The following CCDC146 variants were observed in gnomAD, a reference collection of about 807,000 sequenced individuals.
CCDC146 encodes the protein coiled-coil domain-containing protein 146.
Under a neutral mutation model 119.3 loss-of-function variants are expected in CCDC146, and 92 were observed. The observed-to-expected ratio is 0.77, with a 90% CI of 0.65 to 0.92. The LOEUF is 0.92. Ranked by LOEUF, CCDC146 falls within the 40% of genes least tolerant of loss-of-function variation. CCDC146 has a pLI of 0.00. For synonymous variants in CCDC146, 372 were observed against 371.8 expected (o/e 1.00, Z -0.01); for missense variants, 1,000 against 1,103.0 (o/e 0.91, Z 1.32).
intron 1 of CCDC146, among the ~76,000 whole-genome samples, chr7:77,164,165 T>G (rs1791306975): frequency 6.6e-6 from 1 of 152,154 alleles, no homozygotes; most frequent in East Asian, 1.9e-4. Context: ...GCCTGGCCTT[T>G]GAAAAACTTC....
In CCDC146 at chr7:77,237,706, A is replaced by C. The variant is rs151306660; in HGVS notation, c.239+677A>C. 6.6e-3 allele frequency among the ~76,000 whole-genome samples: 1,010 copies of C among 152,266 alleles called. 6 individuals carry two copies. The highest frequency in any genetic ancestry group is 9.2e-3 in the Non-Finnish European group (624 of 68,016). The stretch of plus-strand genomic sequence containing the variant: ...TATCACAAGCTACTTACACCTTGCA[A>C]GTCCCAATCACCAACAGGTCAGAAG... On this transcript the variant is annotated intron_variant, in intron 3 of 18. Coordinates refer to ENST00000285871, the MANE Select transcript of CCDC146 (RefSeq NM_020879.3).
At chr7:77,199,039 TTTA>T (rs1791928458) in intron 2 of CCDC146, 1 of 713,154 alleles carries the variant, frequency 1.4e-6, no homozygotes, top group African/African-American at 1.8e-5. Flanking sequence ...TGAGAAGATA[TTTA>T]TTTTTTCCTG....
intron 2 of CCDC146, among the ~76,000 whole-genome samples, chr7:77,220,406 A>AGAT (rs2150460904): frequency 6.6e-6 from 1 of 152,332 alleles, no homozygotes; most frequent in South Asian, 2.1e-4. Context: ...CATGTTTTAC[A>AGAT]AACAATTTGT....
At chr7:77,173,691 G>A (rs1015954189) in intron 2 of CCDC146, among the ~76,000 whole-genome samples, 1 of 152,192 alleles carries the variant, frequency 6.6e-6, no homozygotes, top group African/African-American at 2.4e-5. Flanking sequence ...AATGGGCTGT[G>A]TGGGTTAATG....
At chr7:77,179,748 C>G (rs1299747046) in intron 2 of CCDC146, among the ~76,000 whole-genome samples, 1 of 152,142 alleles carries the variant, frequency 6.6e-6, no homozygotes, top group East Asian at 1.9e-4. Context: ...ACTATTTTAA[C>G]TGTTTTTAAG....
intron 2 of CCDC146, among the ~76,000 whole-genome samples, chr7:77,206,708 A>G (rs1009488673): frequency 2.0e-5 from 3 of 150,388 alleles, no homozygotes; most frequent in African/African-American, 7.3e-5. Flanking sequence ...TACACACATG[A>G]ATTTATATAA....
chr7:77,156,599 A>G (rs1464152515), intron 1 of CCDC146, among the ~76,000 whole-genome samples: 1 of 152,202 alleles, frequency 6.6e-6, no homozygotes, highest in East Asian at 1.9e-4. Flanking sequence ...ATATGTATCT[A>G]TATCTTAAAA....
intron 7 of CCDC146, among the ~76,000 whole-genome samples, chr7:77,259,534 A>G (rs577952687): frequency 2.6e-5 from 4 of 152,340 alleles, no homozygotes; most frequent in Admixed American, 2.6e-4. Context: ...TCAGTGTTTA[A>G]GGAACCAAAA....
At chr7:77,178,570 C>T (rs1256384620) in intron 2 of CCDC146, among the ~76,000 whole-genome samples, 2 of 152,064 alleles carry the variant, frequency 1.3e-5, no homozygotes, top group Admixed American at 1.3e-4. Flanking sequence ...TAATGAGATC[C>T]TAGTTTGTAT....
At position 77,282,719 on chromosome 7, in the gene CCDC146, T is replaced by C. The variant is rs999336659; in HGVS notation, c.2082T>C (p.Cys694=). 1 of 1,614,256 alleles carries C rather than the reference T, an allele frequency of 6.2e-7. No homozygotes were observed. Residue 694 remains cysteine (C), a synonymous_variant, in exon 15 of 19, where the codon TGT becomes TGC. Transcript: ENST00000285871. ...MKIAEKQRQI[C]VTQKLLPAKR... The stretch of plus-strand genomic sequence containing the variant: ...TTGCTGAGAAGCAAAGACAAATTTG[T>C]GTGACCCAGAAATTACTGCCAGCCA...
Position 77,256,367 on chromosome 7 carries a change from G to A in CCDC146, c.542G>A (p.Ser181Asn). The A allele has an allele frequency of 6.2e-7, 1 of 1,600,198 alleles. No individual in the cohort carries two copies. Among genetic ancestry groups the A allele is most frequent in the Non-Finnish European group, 8.5e-7 (1 of 1,175,342 alleles). ...MEKKMKILRE[S>N]TEELRKEIMQ... ...AAGAAGATGAAAATATTGAGAGAAA[G>A]CACTGAAGAATTACGTAAAGAAATA... Residue 181 changes from serine (S) to asparagine (N), a missense_variant, in exon 6 of 19, where the codon AGC becomes AAC. By Grantham distance (46) the Ser-to-Asn change is conservative. This residue lies in a region of CCDC146 where 985 missense variants were observed against 1,045.3 expected (regional missense o/e 0.94). Transcript: ENST00000285871.
chr7:77,126,267 A>T (rs1790688402), intron 1 of CCDC146, among the ~76,000 whole-genome samples: 1 of 151,974 alleles, frequency 6.6e-6, no homozygotes, highest in South Asian at 2.1e-4. Flanking sequence ...TTGATTTTCA[A>T]GTGTTTCATT....
intron 4 of CCDC146, among the ~76,000 whole-genome samples, chr7:77,251,558 C>G (rs764650365): frequency 3.3e-5 from 5 of 151,934 alleles, no homozygotes; most frequent in Non-Finnish European, 5.9e-5. Context: ...ACACGATGTA[C>G]TGGGTAAAAG....
At chr7:77,175,881 T>C (rs1034535635) in intron 2 of CCDC146, among the ~76,000 whole-genome samples, 10 of 151,148 alleles carry the variant, frequency 6.6e-5, no homozygotes, top group Non-Finnish European at 1.3e-4. Context: ...CATAAAAAGG[T>C]TCCTATTCTT....
At chr7:77,264,086 T>C (rs977734087) in intron 9 of CCDC146, among the ~76,000 whole-genome samples, 3 of 152,132 alleles carry the variant, frequency 2.0e-5, no homozygotes, top group East Asian at 1.9e-4. Flanking sequence ...ACTTCTTATT[T>C]AATCATTTTA....
intron 14 of CCDC146, among the ~76,000 whole-genome samples, 191 bp downstream of exon 14, chr7:77,280,844 A>G (rs1159387818): frequency 2.0e-5 from 3 of 152,154 alleles, no homozygotes. Flanking sequence ...GCACAGTGGC[A>G]TGATCCCAGC....
chr7:77,184,699 A>G (rs1791637297), intron 2 of CCDC146, among the ~76,000 whole-genome samples: 1 of 152,200 alleles, frequency 6.6e-6, no homozygotes, highest in Non-Finnish European at 1.5e-5. Context: ...TTTGGAGAGC[A>G]TAGGAACTTG....
At position 77,273,717 on chromosome 7, in the gene CCDC146, T is replaced by C. The variant is rs373476727; in HGVS notation, c.1197T>C (p.Asp399=). Residue 399 remains aspartate (D), a synonymous_variant, in exon 10 of 19, where the codon GAT becomes GAC. Transcript: ENST00000285871. The stretch of plus-strand genomic sequence containing the variant: ...AGATGGAAGCTATCCCCAAAGATGA[T>C]TCTACATTATCTGAGAGAAGGCGAG... ...LLEMEAIPKD[D]STLSERRREL... 2.5e-6 allele frequency: 4 copies of C among 1,610,488 alleles called. No homozygotes were observed. In the African/African-American group the frequency reaches 5.3e-5, roughly 22 times the overall value.
intron 9 of CCDC146, among the ~76,000 whole-genome samples, chr7:77,271,129 C>G (rs980800014): frequency 2.7e-5 from 4 of 150,920 alleles, no homozygotes; most frequent in Non-Finnish European, 4.4e-5. Context: ...TTGAAGGATA[C>G]AAAGTATTGA....
Sources: allele counts gnomAD v4.1 joint callset (sites outside exome capture counted in the v4.1 genomes callset), GRCh38; gene constraint gnomAD v4.1.1; regional missense constraint gnomAD v4.1.1; transcripts MANE v1.5; gene names NCBI Gene and HGNC (gene_info 2026-07-23, HGNC 2026-07-21).